Variants in PIK3CD observed in about 807,000 individuals in gnomAD.
The protein encoded by PIK3CD is phosphatidylinositol 4,5-bisphosphate 3-kinase catalytic subunit delta isoform.
PIK3CD carries 20 observed loss-of-function variants against 122.9 expected under a neutral mutation model. The observed-to-expected ratio is 0.16, with a 90% CI of 0.11 to 0.24. PIK3CD has a LOEUF of 0.24. PIK3CD is among the 10% of genes least tolerant of loss of function. PIK3CD has a pLI of 1.00. For synonymous variants in PIK3CD, 596 were observed against 593.4 expected, an observed-to-expected ratio of 1.00 and a Z score of -0.06; for missense variants, 787 against 1,406.3, an observed-to-expected ratio of 0.56 and a Z score of 7.04.
At chr1:9,691,239 G>A (rs896479053) in intron 1 of PIK3CD, among the ~76,000 whole-genome samples, 4 of 152,224 alleles carry the variant, frequency 2.6e-5, no homozygotes, top group Non-Finnish European at 4.4e-5. Context: ...CCAGGCACTG[G>A]AAATGCTCCT....
the PIK3CD span, among the ~76,000 whole-genome samples, chr1:9,642,694 G>GGAACAAAAT: frequency 1.3e-5 from 2 of 150,262 alleles, no homozygotes; most frequent in East Asian, 2.0e-4. Flanking sequence ...TCCAGCCTGG[G>GGAACAAAAT]CGAAAGAGCG....
At chr1:9,677,427 C>G (rs1490482390) in intron 1 of PIK3CD, among the ~76,000 whole-genome samples, 1 of 152,038 alleles carries the variant, frequency 6.6e-6, no homozygotes, top group Admixed American at 6.6e-5. Context: ...AGGCAGATCA[C>G]TTGAGGTCAG....
chr1:9,633,320 T>A, the PIK3CD span, among the ~76,000 whole-genome samples: 1 of 152,066 alleles, frequency 6.6e-6, no homozygotes, highest in East Asian at 1.9e-4. Context: ...ATCATGCCAT[T>A]TACCAATAAT....
At chr1:9,721,923 G>C in intron 16 of PIK3CD, 52 bp from the exon 17 acceptor site, 1 of 1,612,644 alleles carries the variant, frequency 6.2e-7, no homozygotes, top group Non-Finnish European at 8.5e-7. Flanking sequence ...AATCCCCAGG[G>C]CTGGGTCGAG....
In PIK3CD at chr1:9,654,285, C is replaced by T. The variant is rs773090241; in HGVS notation, c.-138+2483C>T. The T allele has an allele frequency of 1.1e-5, 15 of 1,367,738 alleles. No homozygotes were observed. The Admixed American group carries it at 2.9e-4, about 26-fold the overall frequency. The allele number at this position is 1,367,738 out of a possible 1,614,324, so 84.7% of individuals were successfully genotyped here. A position where few individuals can be genotyped will look rare whatever the true frequency, so the allele number is the denominator to read the frequency against. ...TTCTGGCAGGAAAAGCGCGTTTCTG[C>T]GTTTCTGCAGCCTCAGTCCACGCCG... is the stretch of plus-strand genomic sequence containing the variant. On this transcript the variant is annotated intron_variant, in intron 1 of 23. Transcript: ENST00000377346.
At chr1:9,628,068 T>TGAGGC in the PIK3CD span, among the ~76,000 whole-genome samples, 1 of 152,252 alleles carries the variant, frequency 6.6e-6, no homozygotes, top group South Asian at 2.1e-4. Context: ...TTTGGGAGGC[T>TGAGGC]GAGGCCAGTG....
chr1:9,631,983 CCCTT>C, the PIK3CD span, among the ~76,000 whole-genome samples: 38 of 149,070 alleles, frequency 2.5e-4, no homozygotes, highest in African/African-American at 8.2e-4. Context: ...CTCCCTCCCT[CCCTT>C]CCTTCCTTCT....
At chr1:9,677,166 G>C (rs2101075357) in intron 1 of PIK3CD, among the ~76,000 whole-genome samples, 1 of 152,308 alleles carries the variant, frequency 6.6e-6, no homozygotes, top group Non-Finnish European at 1.5e-5. Context: ...CAGAGAGCCA[G>C]CTGCAGATCT....
chr1:9,709,146 C>T (rs903576341), intron 2 of PIK3CD, among the ~76,000 whole-genome samples: 4 of 152,024 alleles, frequency 2.6e-5, no homozygotes, highest in Non-Finnish European at 2.9e-5. Flanking sequence ...TCTCCTGTGT[C>T]AGCCTCCTGG....
At chr1:9,694,720 T>A (rs180988387) in intron 2 of PIK3CD, among the ~76,000 whole-genome samples, 5 of 152,272 alleles carry the variant, frequency 3.3e-5, no homozygotes, top group African/African-American at 1.2e-4. Context: ...CCCAGCACTT[T>A]GGGAGGCTGA....
chr1:9,684,973 C>T (rs1645914107), intron 1 of PIK3CD, among the ~76,000 whole-genome samples: 1 of 151,650 alleles, frequency 6.6e-6, no homozygotes, highest in Admixed American at 6.6e-5. Flanking sequence ...ACTCAGGAAG[C>T]CTCAATTAAG....
intron 1 of PIK3CD, among the ~76,000 whole-genome samples, chr1:9,688,948 G>C (rs1047190297): frequency 5.9e-5 from 9 of 152,172 alleles, no homozygotes; most frequent in African/African-American, 2.2e-4. Context: ...GAAAGTGCTA[G>C]GTACACTCAT....
At chr1:9,663,918 CT>C (rs1645081292) in intron 1 of PIK3CD, among the ~76,000 whole-genome samples, 2 of 152,106 alleles carry the variant, frequency 1.3e-5, no homozygotes, top group Middle Eastern at 3.4e-3. Context: ...TGAACTCATC[CT>C]TTTTTATGGC....
At chr1:9,664,049 CTTTT>C (rs754341558) in intron 1 of PIK3CD, among the ~76,000 whole-genome samples, 6 of 101,776 alleles carry the variant, frequency 5.9e-5, no homozygotes, top group Admixed American at 2.4e-4. Flanking sequence ...TTCTTTCTTT[CTTTT>C]TTTTTTTTTT....
intron 3 of PIK3CD, among the ~76,000 whole-genome samples, chr1:9,711,182 C>T (rs1253355522): frequency 6.6e-6 from 1 of 152,094 alleles, no homozygotes; most frequent in African/African-American, 2.4e-5. Flanking sequence ...CAACCTCTGC[C>T]TCCCAGGCTC....
chr1:9,636,279 C>A, the PIK3CD span, among the ~76,000 whole-genome samples: 1 of 152,150 alleles, frequency 6.6e-6, no homozygotes, highest in Non-Finnish European at 1.5e-5. Context: ...CTTCAGCCTC[C>A]ACCTCCTGGG....
chr1:9,717,439 C>A lies in PIK3CD; in HGVS notation c.931-98C>A. The A allele has an allele frequency of 8.3e-7, 1 of 1,208,178 alleles. No individual in the cohort carries two copies. The allele number at this position is 1,208,178 out of a possible 1,614,324, so 74.8% of individuals were successfully genotyped here. On this transcript the variant is annotated intron_variant, in intron 7 of 23. Transcript: ENST00000377346. This position sits in a 1 kb window ranked among gnomAD's most constrained non-coding sequence, Gnocchi z 5.4. Reference sequence around the variant, plus strand: ...CAAACCTGGCCGCAAACCTGTGACCCTCTCACCCGCCCCCAAGTGGTCACG... The same window carrying A: ...CAAACCTGGCCGCAAACCTGTGACCATCTCACCCGCCCCCAAGTGGTCACG...
chr1:9,660,323 A>T (rs1442448407), intron 1 of PIK3CD, among the ~76,000 whole-genome samples: 1 of 152,208 alleles, frequency 6.6e-6, no homozygotes, highest in Non-Finnish European at 1.5e-5. Context: ...GACCTGTTGA[A>T]GTCCCTGCCT....
rs1256901335 is a variant in PIK3CD at position 9,704,646 on chromosome 1, G to A, written c.-32-5778G>A. On this transcript the variant is annotated intron_variant, in intron 2 of 23. Transcript: ENST00000377346. The surrounding 1 kb of genome is among the most constrained non-coding windows in gnomAD (Gnocchi z 5.0). Reference sequence around the variant, plus strand: ...TCCAGCCTCAGCCTCCCAAGTAGCCGGGACTACAGGCGTGAGCCACCATGA... The same window carrying A: ...TCCAGCCTCAGCCTCCCAAGTAGCCAGGACTACAGGCGTGAGCCACCATGA... Among the ~76,000 whole-genome samples the A allele has an allele frequency of 5.3e-5, 8 of 152,168 alleles. No individual in the cohort carries two copies. The highest frequency in any genetic ancestry group is 1.3e-4 in the Admixed American group (2 of 15,272).
Sources: gnomAD v4.1 joint callset for allele counts (sites outside exome capture counted in the v4.1 genomes callset) on GRCh38, gnomAD v4.1.1 for gene constraint, Gnocchi (gnomAD v3.1) non-coding constraint, MANE v1.5 for transcripts, NCBI Gene and HGNC (gene_info 2026-07-23, HGNC 2026-07-21) for gene names.